The following SIL1 variants were observed in gnomAD, a reference collection of about 807,000 sequenced individuals.
The protein encoded by SIL1 is SIL1 nucleotide exchange factor.
A neutral mutation model predicts 49.1 loss-of-function variants in SIL1; 40 were observed. The observed-to-expected ratio is 0.81, with a 90% CI of 0.63 to 1.06. The LOEUF (loss-of-function observed/expected upper bound fraction) is 1.06, where lower values mean the gene tolerates loss of function less well. SIL1 is among the 50% of genes least tolerant of loss of function. SIL1 has a pLI of 0.00. For missense variants in SIL1, 500 were observed against 572.6 expected (o/e 0.87, Z 1.29); for synonymous variants, 253 against 250.8 (o/e 1.01, Z -0.08).
At chr5:138,966,037 G>A (rs1767131071) in intron 7 of SIL1, among the ~76,000 whole-genome samples, 1 of 151,902 alleles carries the variant, frequency 6.6e-6, no homozygotes, top group Non-Finnish European at 1.5e-5. Context: ...ATACAGATGA[G>A]GACCCAGCTT....
intron 7 of SIL1, among the ~76,000 whole-genome samples, chr5:138,983,495 G>T (rs533202087): frequency 6.6e-6 from 1 of 150,610 alleles, no homozygotes; most frequent in Admixed American, 6.6e-5. Context: ...GCGACAGAGC[G>T]AGATTTTGTC....
At chr5:139,098,718 A>C (rs769149387) in intron 3 of SIL1, among the ~76,000 whole-genome samples, 2 of 152,148 alleles carry the variant, frequency 1.3e-5, no homozygotes, top group Non-Finnish European at 2.9e-5. Context: ...AATAACCAGA[A>C]TATCTAAGAA....
intron 7 of SIL1, among the ~76,000 whole-genome samples, chr5:138,957,566 GA>G (rs948585617): frequency 6.6e-6 from 1 of 150,506 alleles, no homozygotes; most frequent in Non-Finnish European, 1.5e-5. Context: ...TCTCTCTAAA[GA>G]AAAAAAAATT....
At chr5:139,176,585 C>T (rs538886223) in intron 1 of SIL1, among the ~76,000 whole-genome samples, 1 of 152,208 alleles carries the variant, frequency 6.6e-6, no homozygotes, top group Non-Finnish European at 1.5e-5. Flanking sequence ...GCTTGGAAGT[C>T]CAAGAACAAG....
intron 1 of SIL1, among the ~76,000 whole-genome samples, chr5:139,135,326 C>G (rs1015710123): frequency 2.0e-5 from 3 of 152,112 alleles, no homozygotes; most frequent in Admixed American, 1.3e-4. Flanking sequence ...TCTCAACAAA[C>G]CCAAGGCACC....
chr5:139,096,307 C>T (rs1770465866), intron 3 of SIL1, among the ~76,000 whole-genome samples: 1 of 152,164 alleles, frequency 6.6e-6, no homozygotes, highest in South Asian at 2.1e-4. Context: ...ACAAACCTTG[C>T]CGCCACAGGC....
In SIL1 at chr5:139,011,308, G is replaced by A. The variant is rs539216181; in HGVS notation, c.767+9863C>T. Among the ~76,000 whole-genome samples, 105 of 152,270 alleles carry A rather than the reference G, an allele frequency of 6.9e-4. 1 individual carries two copies. Among genetic ancestry groups the A allele is most frequent in the African/African-American group, 2.4e-3 (101 of 41,548 alleles). On this transcript the variant is annotated intron_variant, in intron 7 of 9. Coordinates refer to ENST00000394817, the MANE Select transcript of SIL1 (RefSeq NM_022464.5). Reference sequence around the variant, plus strand: ...CGCTTCCCAGGTGAGGCAATGCCTCGCCCTGCTTCGGCTCCCGCACCGTGC... The same window carrying A: ...CGCTTCCCAGGTGAGGCAATGCCTCACCCTGCTTCGGCTCCCGCACCGTGC...
chr5:139,190,703 G>A (rs761619667), intron 1 of SIL1, among the ~76,000 whole-genome samples: 2 of 152,146 alleles, frequency 1.3e-5, no homozygotes, highest in Non-Finnish European at 2.9e-5. Context: ...GCAAAATGGA[G>A]GCATTGGGCA....
At chr5:139,064,455 AAAC>A (rs1769657659) in intron 3 of SIL1, among the ~76,000 whole-genome samples, 1 of 152,214 alleles carries the variant, frequency 6.6e-6, no homozygotes, top group Non-Finnish European at 1.5e-5. Context: ...GCAGTCATAT[AAAC>A]AACTGGTCCT....
intron 3 of SIL1, among the ~76,000 whole-genome samples, chr5:139,101,235 C>T (rs1266499348): frequency 6.6e-6 from 1 of 152,154 alleles, no homozygotes; most frequent in Admixed American, 6.5e-5. Context: ...TACACCTGGT[C>T]ACCATCATAA....
intron 7 of SIL1, among the ~76,000 whole-genome samples, chr5:139,002,527 C>G (rs995118408): frequency 7.8e-4 from 118 of 152,068 alleles, no homozygotes; most frequent in African/African-American, 2.7e-3. Flanking sequence ...CATCCATTTT[C>G]TCTAAATAAA....
intron 1 of SIL1, among the ~76,000 whole-genome samples, chr5:139,149,210 C>A (rs1231326770): frequency 6.6e-6 from 1 of 152,162 alleles, no homozygotes; most frequent in Non-Finnish European, 1.5e-5. Flanking sequence ...CCATTTCAAC[C>A]CCAGGTGAGC....
chr5:139,196,445 C>T (rs1431482570), intron 1 of SIL1: 1 of 152,226 alleles, frequency 6.6e-6, no homozygotes, highest in African/African-American at 2.4e-5. Flanking sequence ...TGTTACCTTT[C>T]AGTTTCACTT....
At chr5:139,134,552 A>G (rs1365067720) in intron 1 of SIL1, among the ~76,000 whole-genome samples, 2 of 152,222 alleles carry the variant, frequency 1.3e-5, no homozygotes, top group Admixed American at 6.5e-5. Context: ...CACACTGTCC[A>G]GCTGACCCAT....
intron 1 of SIL1, among the ~76,000 whole-genome samples, chr5:139,156,230 C>G (rs889482700): frequency 2.0e-5 from 3 of 152,192 alleles, no homozygotes; most frequent in Admixed American, 1.3e-4. Context: ...ATTTAAATCT[C>G]ATGGCAATTT....
intron 4 of SIL1, among the ~76,000 whole-genome samples, chr5:139,045,396 C>T (rs1769136564): frequency 6.6e-6 from 1 of 152,080 alleles, no homozygotes; most frequent in Admixed American, 6.6e-5. Flanking sequence ...CTTGTTACCT[C>T]ACTCTCATGG....
chr5:138,949,755 G>C (rs1168076102), intron 9 of SIL1, among the ~76,000 whole-genome samples: 2 of 138,658 alleles, frequency 1.4e-5, no homozygotes, highest in African/African-American at 2.7e-5. Flanking sequence ...AGTTTACAGT[G>C]AGCCAAGATC....
chr5:139,106,485 G>A (rs751826970), intron 3 of SIL1, among the ~76,000 whole-genome samples: 1 of 152,176 alleles, frequency 6.6e-6, no homozygotes, highest in Non-Finnish European at 1.5e-5. Context: ...AATAAGATGT[G>A]TAAATCAACA....
At chr5:139,191,661 C>T (rs1035821170) in intron 1 of SIL1, among the ~76,000 whole-genome samples, 4 of 150,444 alleles carry the variant, frequency 2.7e-5, no homozygotes, top group Non-Finnish European at 5.9e-5. Flanking sequence ...CATGGTGGTG[C>T]ACACCCATGG....
Sources: allele counts gnomAD v4.1 joint callset (sites outside exome capture counted in the v4.1 genomes callset), GRCh38; gene constraint gnomAD v4.1.1; transcripts MANE v1.5; gene names NCBI Gene and HGNC (gene_info 2026-07-23, HGNC 2026-07-21).